RBL1: variants seen among roughly 807,000 people sequenced by gnomAD.
RBL1 encodes the protein RB transcriptional corepressor like 1.
A neutral mutation model predicts 123.0 loss-of-function variants in RBL1; 82 were observed. The observed-to-expected ratio is 0.67, with a 90% CI of 0.56 to 0.80. RBL1 has a LOEUF of 0.80. RBL1 is among the 30% of genes least tolerant of loss of function. The pLI is 0.00. For missense variants in RBL1, 1,171 were observed against 1,299.6 expected, an observed-to-expected ratio of 0.90 and a Z score of 1.52; for synonymous variants, 405 against 441.3, an observed-to-expected ratio of 0.92 and a Z score of 1.03.
rs927495708 is a variant in RBL1 at position 37,044,347 on chromosome 20, C to G, written c.1606-97G>C. ...TAGCTGTGGCTTTCTTCTTCTTCTT[C>G]TTTTTTTTGAGACGGAGTTTCCCTC... On this transcript the variant is annotated intron_variant, in intron 12 of 21. Transcript: ENST00000373664. 18 of 1,160,860 alleles carry G rather than the reference C, an allele frequency of 1.6e-5. No individual in the cohort carries two copies. The Admixed American group carries it at 4.2e-4, about 27-fold the overall frequency. The allele number at this position is 1,160,860 out of a possible 1,614,324, so 71.9% of individuals were successfully genotyped here. A position where few individuals can be genotyped will look rare whatever the true frequency, so the allele number is the denominator to read the frequency against.
intron 16 of RBL1, among the ~76,000 whole-genome samples, chr20:37,030,403 A>C (rs766682557): frequency 2.0e-5 from 3 of 152,170 alleles, no homozygotes; most frequent in Non-Finnish European, 4.4e-5. Context: ...ATGACTTTAG[A>C]CCCTTATCTA....
At chr20:37,065,201 G>A (rs2065159191) in intron 7 of RBL1, among the ~76,000 whole-genome samples, 1 of 152,160 alleles carries the variant, frequency 6.6e-6, no homozygotes, top group East Asian at 1.9e-4. Flanking sequence ...CCAAAGTGAT[G>A]GGTTTACAGG....
In RBL1 at chr20:37,045,073, TTTATTTAC is replaced by T. The variant is rs933598363; in HGVS notation, c.1606-831_1606-824del. ...ATGATGTATGACTTTAATATTCACA[TTTATTTAC>T]TTATTTATTTATTTATTTATTTATT... On this transcript the variant is annotated intron_variant, in intron 12 of 21. Coordinates refer to ENST00000373664, the MANE Select transcript of RBL1 (RefSeq NM_002895.5). Among the ~76,000 whole-genome samples, 16 of 129,162 alleles carry T rather than the reference TTTATTTAC, an allele frequency of 1.2e-4. No individual in the cohort carries two copies. In the Middle Eastern group the frequency reaches 0.013, roughly 103 times the overall value. 84.7% of individuals were successfully genotyped at this position (129,162 alleles called of 152,430 possible).
At chr20:37,026,967 A>G (rs1600488232) in intron 16 of RBL1, among the ~76,000 whole-genome samples, 1 of 150,682 alleles carries the variant, frequency 6.6e-6, no homozygotes, top group Non-Finnish European at 1.5e-5. Context: ...GCACCACTGC[A>G]CTCCAGCCTG....
chr20:37,000,739 C>T (rs1179846918), intron 21 of RBL1, among the ~76,000 whole-genome samples: 2 of 135,804 alleles, frequency 1.5e-5, no homozygotes, highest in African/African-American at 2.8e-5. Flanking sequence ...CAGCCCCCCG[C>T]CCGGCCAGCC....
At chr20:37,042,895 T>TCC (rs1460405316) in intron 13 of RBL1, among the ~76,000 whole-genome samples, 2 of 46,076 alleles carry the variant, frequency 4.3e-5, no homozygotes, top group East Asian at 5.7e-4. Flanking sequence ...TGAGATCTTG[T>TCC]CCCCCCCCCT....
At chr20:37,065,564 A>AT (rs2065165457) in intron 6 of RBL1, 91 bp from the exon 7 acceptor site, 1 of 778,694 alleles carries the variant, frequency 1.3e-6, no homozygotes, top group Non-Finnish European at 2.1e-6. Flanking sequence ...CCATATTGTT[A>AT]TAACACACAC....
intron 2 of RBL1, 106 bp from the exon 3 acceptor site, chr20:37,068,292 G>A: frequency 1.4e-6 from 2 of 1,417,220 alleles, no homozygotes; most frequent in Non-Finnish European, 1.9e-6. Flanking sequence ...TAAAAAGCCA[G>A]ATTTCCCAGG....
In RBL1 at chr20:37,000,573, C is replaced by T. The variant is rs1225276362; in HGVS notation, c.3037-1644G>A. Among the ~76,000 whole-genome samples the T allele has an allele frequency of 4.9e-4, 69 of 141,104 alleles. No individual in the cohort carries two copies. The East Asian group carries it at 0.011, about 23-fold the overall frequency. The allele number at this position is 141,104 out of a possible 152,430, so 92.6% of individuals were successfully genotyped here. ...TGAGGAGCCCCTCTGCCCGGCCAGC[C>T]GCCCCGTCCAGGAAGGATGTGGGGG... On this transcript the variant is annotated intron_variant, in intron 21 of 21. Coordinates refer to ENST00000373664, the MANE Select transcript of RBL1 (RefSeq NM_002895.5).
chr20:37,067,789 AAAC>A (rs1568875781), intron 3 of RBL1, among the ~76,000 whole-genome samples, 194 bp downstream of exon 3: 3 of 150,724 alleles, frequency 2.0e-5, no homozygotes, highest in Admixed American at 6.6e-5. Flanking sequence ...AAAAAAAAAA[AAAC>A]AACAACAGAA....
chr20:37,012,589 A>G (rs1350834240), intron 19 of RBL1, among the ~76,000 whole-genome samples: 13 of 122,982 alleles, frequency 1.1e-4, no homozygotes, highest in Admixed American at 5.6e-4. Flanking sequence ...GTCTCTGCCC[A>G]GCCGCCCCGT....
At chr20:37,002,222 G>A (rs1001334541) in intron 21 of RBL1, among the ~76,000 whole-genome samples, 1 of 151,640 alleles carries the variant, frequency 6.6e-6, no homozygotes, top group African/African-American at 2.4e-5. Flanking sequence ...GTAGAGACAG[G>A]GTTTTGCCAT....
intron 2 of RBL1, among the ~76,000 whole-genome samples, chr20:37,078,889 G>A (rs1408096736): frequency 2.7e-5 from 4 of 148,244 alleles, no homozygotes; most frequent in Non-Finnish European, 5.9e-5. Context: ...TTTGGGGGGC[G>A]GGCAGGGGGA....
At chr20:37,050,009 C>T (rs2064881199) in intron 11 of RBL1, among the ~76,000 whole-genome samples, 1 of 149,768 alleles carries the variant, frequency 6.7e-6, no homozygotes, top group Non-Finnish European at 1.5e-5. Context: ...TTGCGGTGAG[C>T]CAAGATCGTG....
chr20:37,061,321 T>G, intron 8 of RBL1, 52 bp from the exon 9 acceptor site: 3 of 1,586,592 alleles, frequency 1.9e-6, no homozygotes, highest in Non-Finnish European at 2.6e-6. Flanking sequence ...TCTTCCTTAT[T>G]ATGTGTTTAA....
chr20:37,009,262 G>A (rs755905141), intron 19 of RBL1, among the ~76,000 whole-genome samples: 14 of 152,280 alleles, frequency 9.2e-5, no homozygotes, highest in Admixed American at 3.9e-4. Context: ...GACCTCAGGT[G>A]ATCTGCCCGC....
chr20:37,057,227 T>C (rs2146287974), intron 9 of RBL1, among the ~76,000 whole-genome samples: 1 of 152,346 alleles, frequency 6.6e-6, no homozygotes, highest in East Asian at 1.9e-4. Flanking sequence ...AGAAGTGGTA[T>C]TGCTGAGTTA....
At chr20:37,054,589 T>G (rs2064972665) in intron 11 of RBL1, among the ~76,000 whole-genome samples, 1 of 152,050 alleles carries the variant, frequency 6.6e-6, no homozygotes, top group Admixed American at 6.6e-5. Flanking sequence ...TAGCACTTTG[T>G]GAGGCTGAGG....
At chr20:37,079,361 G>A (rs930475915) in intron 2 of RBL1, among the ~76,000 whole-genome samples, 7 of 151,630 alleles carry the variant, frequency 4.6e-5, no homozygotes, top group African/African-American at 1.2e-4. Flanking sequence ...TCTTTATATC[G>A]GCCATTAACT....
Sources: gnomAD v4.1 joint callset for allele counts (sites outside exome capture counted in the v4.1 genomes callset) on GRCh38, gnomAD v4.1.1 for gene constraint, MANE v1.5 for transcripts, NCBI Gene and HGNC (gene_info 2026-07-23, HGNC 2026-07-21) for gene names.